RIN3: variants seen among roughly 807,000 people sequenced by gnomAD.
RIN3 encodes Ras and Rab interactor 3.
In RIN3, 54 loss-of-function variants were observed where a neutral mutation model predicts 76.3. That is an observed-to-expected ratio of 0.71 (90% CI 0.57 to 0.89). The LOEUF is 0.89. RIN3 is among the 40% of genes least tolerant of loss of function. RIN3 has a pLI of 0.00. For missense variants in RIN3, 1,256 were observed against 1,322.1 expected, an observed-to-expected ratio of 0.95 and a Z score of 0.78; for synonymous variants, 576 against 564.0, an observed-to-expected ratio of 1.02 and a Z score of -0.30.
At position 92,643,304 on chromosome 14, in the gene RIN3, G is replaced by A. The variant is rs570683806; in HGVS notation, c.532+1975G>A. ...CCTGACCTCATGATCCACCCACCTC[G>A]GCCTCCCAAAGTGCTGGGATTACAG... On this transcript the variant is annotated intron_variant, in intron 5 of 9. Transcript: ENST00000216487. The surrounding 1 kb of genome is among the most constrained non-coding windows in gnomAD (Gnocchi z 4.8). 1.1e-4 allele frequency among the ~76,000 whole-genome samples: 16 copies of A among 152,070 alleles called. No individual in the cohort carries two copies. The East Asian group carries it at 2.5e-3, about 24-fold the overall frequency.
intron 2 of RIN3, among the ~76,000 whole-genome samples, chr14:92,561,252 C>T (rs1342966137): frequency 1.3e-5 from 2 of 149,724 alleles, no homozygotes; most frequent in African/African-American, 2.5e-5. Context: ...CTGCTGGCAC[C>T]GATGAAAGAC....
At chr14:92,639,209 A>G (rs1886890783) in intron 4 of RIN3, among the ~76,000 whole-genome samples, 1 of 152,222 alleles carries the variant, frequency 6.6e-6, no homozygotes, top group Non-Finnish European at 1.5e-5. Context: ...CAGGAAGATG[A>G]GGTGCAGACA....
At chr14:92,548,580 C>G (rs1019371060) in intron 1 of RIN3, among the ~76,000 whole-genome samples, 16 of 152,266 alleles carry the variant, frequency 1.1e-4, no homozygotes, top group African/African-American at 3.9e-4. Context: ...CCATGCCTCT[C>G]CCCGAGCTCC....
At position 92,631,522 on chromosome 14, in the gene RIN3, C is replaced by G. The variant is rs566955213; in HGVS notation, c.441-9716C>G. On this transcript the variant is annotated intron_variant, in intron 4 of 9. Transcript: ENST00000216487. ...GCTGGGTCCCACAGTCACCGAATAG[C>G]TGGTTAAAACTACAGACTCCTCCCA... Among the ~76,000 whole-genome samples, 5 of 152,260 alleles carry G rather than the reference C, an allele frequency of 3.3e-5. No homozygotes were observed. The East Asian group carries it at 9.7e-4, about 29-fold the overall frequency.
chr14:92,660,876 T>G (rs1887857019), intron 7 of RIN3, among the ~76,000 whole-genome samples: 1 of 152,186 alleles, frequency 6.6e-6, no homozygotes, highest in Non-Finnish European at 1.5e-5. Context: ...GCTGGCAGGA[T>G]TCATCCCTTC....
intron 1 of RIN3, among the ~76,000 whole-genome samples, chr14:92,541,338 T>C (rs1897128303): frequency 6.6e-6 from 1 of 152,096 alleles, no homozygotes; most frequent in Admixed American, 6.5e-5. Context: ...ACAAGTAGAG[T>C]ATCTAGCTGT....
intron 1 of RIN3, among the ~76,000 whole-genome samples, chr14:92,550,052 G>A (rs556817451): frequency 2.0e-5 from 3 of 152,170 alleles, no homozygotes; most frequent in Non-Finnish European, 4.4e-5. Context: ...GCTTAGCGAC[G>A]GTTCCTGGCA....
In RIN3 at chr14:92,676,622, C is replaced by T; in HGVS notation, c.2467+16C>T. 3 of 1,611,234 alleles carry T rather than the reference C, an allele frequency of 1.9e-6. No homozygotes were observed. The highest frequency in any genetic ancestry group is 2.5e-6 in the Non-Finnish European group (3 of 1,178,566). On this transcript the variant is annotated intron_variant, in intron 8 of 9. Transcript: ENST00000216487. ...CTGGGGGAGGGTGAGTCACCACCCC[C>T]TGCCCATCAGGTGCATTGCACACCC...
chr14:92,647,235 C>G (rs1029034234), intron 5 of RIN3, among the ~76,000 whole-genome samples: 1 of 152,126 alleles, frequency 6.6e-6, no homozygotes, highest in African/African-American at 2.4e-5. Flanking sequence ...CATGAGCCGA[C>G]GTAAGAAAGT....
At chr14:92,613,244 C>A (rs1885816493) in intron 3 of RIN3, among the ~76,000 whole-genome samples, 1 of 152,144 alleles carries the variant, frequency 6.6e-6, no homozygotes, top group South Asian at 2.1e-4. Context: ...ACCTGTGCTG[C>A]CCCTTGTGGA....
At chr14:92,616,199 G>C (rs1402245080) in intron 4 of RIN3, among the ~76,000 whole-genome samples, 1 of 152,116 alleles carries the variant, frequency 6.6e-6, no homozygotes, top group East Asian at 1.9e-4. Context: ...CCGGGTTCTT[G>C]GTGTCTTGAA....
intron 4 of RIN3, among the ~76,000 whole-genome samples, chr14:92,622,034 C>CATT (rs1886201122): frequency 6.6e-6 from 1 of 152,220 alleles, no homozygotes; most frequent in Admixed American, 6.5e-5. Flanking sequence ...GGGCATCACA[C>CATT]ATTAACCAGG....
intron 3 of RIN3, among the ~76,000 whole-genome samples, chr14:92,610,234 T>TA (rs1294804739): frequency 6.6e-6 from 1 of 152,112 alleles, no homozygotes; most frequent in Non-Finnish European, 1.5e-5. Context: ...ATGGTTAAAA[T>TA]GCTAAATTGT....
In RIN3 at chr14:92,652,669, GTC is replaced by G; in HGVS notation, c.1622_1623del (p.Ser541CysfsTer185). The part of the protein sequence containing the change: ...LASLSDSLGV[S>X]VMATDQDSYS... ...CCTCCCTCTCAGACAGCTTGGGGGT[GTC>G]TGTCATGGCCACCGACCAGGACTCC... On this transcript the variant is annotated frameshift_variant, in exon 6 of 10. Transcript: ENST00000216487. LOFTEE classifies it high-confidence loss of function. This position sits in a 1 kb window ranked among gnomAD's most constrained non-coding sequence, Gnocchi z 6.4. 1 of 1,612,624 alleles carries G rather than the reference GTC, an allele frequency of 6.2e-7. No individual in the cohort carries two copies. The highest frequency in any genetic ancestry group is 8.5e-7 in the Non-Finnish European group (1 of 1,179,994).
chr14:92,550,911 A>T (rs1289661397), intron 1 of RIN3, among the ~76,000 whole-genome samples: 1 of 152,234 alleles, frequency 6.6e-6, no homozygotes, highest in African/African-American at 2.4e-5. Flanking sequence ...TAAAAGATAC[A>T]GAAGACTTGA....
intron 3 of RIN3, among the ~76,000 whole-genome samples, chr14:92,584,321 G>A (rs1353465670): frequency 6.6e-6 from 1 of 152,210 alleles, no homozygotes; most frequent in Non-Finnish European, 1.5e-5. Context: ...AGAGAAAGCA[G>A]AATCCATGAC....
intron 2 of RIN3, among the ~76,000 whole-genome samples, chr14:92,569,348 A>T (rs1897999110): frequency 6.6e-6 from 1 of 152,104 alleles, no homozygotes; most frequent in Non-Finnish European, 1.5e-5. Flanking sequence ...CAGCTTCTCC[A>T]TACATCTTAC....
intron 2 of RIN3, among the ~76,000 whole-genome samples, chr14:92,573,273 C>T (rs565522942): frequency 8.5e-5 from 13 of 152,130 alleles, no homozygotes; most frequent in Middle Eastern, 3.4e-3. Context: ...AGAAGACTGT[C>T]AAAACAAAAT....
intron 3 of RIN3, among the ~76,000 whole-genome samples, chr14:92,578,255 AAAAG>A (rs1322318544): frequency 6.6e-6 from 1 of 151,842 alleles, no homozygotes; most frequent in Non-Finnish European, 1.5e-5. Flanking sequence ...AAAAAGAAAA[AAAAG>A]AAAAAAGAAG....
Sources: gnomAD v4.1 joint callset for allele counts (sites outside exome capture counted in the v4.1 genomes callset) on GRCh38, gnomAD v4.1.1 for gene constraint, Gnocchi (gnomAD v3.1) non-coding constraint, MANE v1.5 for transcripts, NCBI Gene and HGNC (gene_info 2026-07-23, HGNC 2026-07-21) for gene names.